Variants in ADAMTSL1 observed in about 807,000 individuals in gnomAD.
The protein encoded by ADAMTSL1 is ADAMTS like 1.
A neutral mutation model predicts 201.8 loss-of-function variants in ADAMTSL1; 126 were observed. That is an observed-to-expected ratio of 0.62 (90% CI 0.54 to 0.72). ADAMTSL1 has a LOEUF of 0.72. Among genes scored for constraint, ADAMTSL1 ranks in the 30% least tolerant of loss-of-function variants. The pLI is 0.00. For missense variants in ADAMTSL1, 2,679 were observed against 2,277.8 expected (o/e 1.18, Z -3.59); for synonymous variants, 1,121 against 903.4 (o/e 1.24, Z -4.32).
chr9:18,089,374 C>G (rs1823908013), intron 1 of ADAMTSL1, among the ~76,000 whole-genome samples: 1 of 148,472 alleles, frequency 6.7e-6, no homozygotes, highest in Non-Finnish European at 1.5e-5. Context: ...AACAGAAAAC[C>G]AAACACTGCA....
chr9:18,655,806 T>TAAAAAAAAAAAAAAAAAAAAAAAAAAAAA (rs56662538), intron 7 of ADAMTSL1, among the ~76,000 whole-genome samples: 9 of 81,848 alleles, frequency 1.1e-4, no homozygotes, highest in African/African-American at 2.0e-4. Flanking sequence ...TTTGTGAGCT[T>TAAAAAAAAAAAAAAAAAAAAAAAAAAAAA]AAAAAAAAAA....
intron 9 of ADAMTSL1, among the ~76,000 whole-genome samples, chr9:18,669,511 C>G (rs1177569767): frequency 6.6e-6 from 1 of 151,724 alleles, no homozygotes. Context: ...CGGTGGAAGC[C>G]CAGATAAATG....
At chr9:18,413,829 T>C (rs187854873) in intron 2 of ADAMTSL1, among the ~76,000 whole-genome samples, 8 of 152,340 alleles carry the variant, frequency 5.3e-5, no homozygotes, top group Admixed American at 2.6e-4. Flanking sequence ...ATTTGAGACA[T>C]GTTTATGGGA....
At chr9:18,885,325 C>A (rs1828783454) in intron 23 of ADAMTSL1, among the ~76,000 whole-genome samples, 1 of 152,182 alleles carries the variant, frequency 6.6e-6, no homozygotes. Context: ...ATGGCCTGAT[C>A]ACCTCTTACT....
At chr9:18,029,931 A>G (rs1022843778) in intron 1 of ADAMTSL1, among the ~76,000 whole-genome samples, 1 of 151,462 alleles carries the variant, frequency 6.6e-6, no homozygotes, top group Non-Finnish European at 1.5e-5. Context: ...AAATAGGAAC[A>G]CTTTTACACT....
intron 14 of ADAMTSL1, among the ~76,000 whole-genome samples, chr9:18,707,464 T>C (rs965576429): frequency 1.3e-5 from 2 of 152,242 alleles, no homozygotes; most frequent in African/African-American, 2.4e-5. Context: ...CTCAGCTGAT[T>C]TCCCAAAGTA....
At chr9:18,597,387 A>G (rs982558433) in intron 4 of ADAMTSL1, among the ~76,000 whole-genome samples, 1 of 152,208 alleles carries the variant, frequency 6.6e-6, no homozygotes, top group African/African-American at 2.4e-5. Context: ...ATCTTCAGTC[A>G]TATTTCTAAT....
chr9:18,262,556 T>C (rs906621238), intron 2 of ADAMTSL1, among the ~76,000 whole-genome samples: 1 of 152,150 alleles, frequency 6.6e-6, no homozygotes, highest in East Asian at 1.9e-4. Context: ...ATTTATATGA[T>C]GAAATATGGG....
At chr9:18,907,087 T>C in intron 28 of ADAMTSL1, 175 bp downstream of exon 28, 1 of 665,176 alleles carries the variant, frequency 1.5e-6, no homozygotes, top group South Asian at 1.9e-5. Context: ...CAGAGAGGTG[T>C]ATATAAGCAT....
At chr9:18,334,620 T>C (rs1835154990) in intron 2 of ADAMTSL1, among the ~76,000 whole-genome samples, 1 of 152,186 alleles carries the variant, frequency 6.6e-6, no homozygotes, top group African/African-American at 2.4e-5. Context: ...TCATCTTCTA[T>C]ATAAACCAAT....
intron 19 of ADAMTSL1, among the ~76,000 whole-genome samples, chr9:18,782,337 C>T (rs768667210): frequency 2.0e-5 from 3 of 152,192 alleles, no homozygotes; most frequent in Non-Finnish European, 4.4e-5. Flanking sequence ...ATAAATGAAA[C>T]TATGTTCCCT....
At chr9:18,821,030 G>A (rs918237355) in intron 21 of ADAMTSL1, among the ~76,000 whole-genome samples, 6 of 152,154 alleles carry the variant, frequency 3.9e-5, no homozygotes, top group Admixed American at 6.6e-5. Context: ...GGGTAGGCAG[G>A]GGCTAGATCT....
intron 21 of ADAMTSL1, among the ~76,000 whole-genome samples, chr9:18,821,659 C>T (rs1359343911): frequency 1.3e-5 from 2 of 152,100 alleles, no homozygotes; most frequent in African/African-American, 4.8e-5. Flanking sequence ...TCCAGACTGC[C>T]TTGGTTTTTT....
chr9:18,769,095 A>C (rs80198993), intron 16 of ADAMTSL1, among the ~76,000 whole-genome samples: 6 of 152,174 alleles, frequency 3.9e-5, no homozygotes, highest in Non-Finnish European at 7.3e-5. Context: ...GGTGCATGCA[A>C]GGTTGAGACC....
At chr9:18,175,596 T>C (rs1477199921) in intron 2 of ADAMTSL1, among the ~76,000 whole-genome samples, 2 of 152,180 alleles carry the variant, frequency 1.3e-5, no homozygotes, top group African/African-American at 2.4e-5. Flanking sequence ...ACTTTTTGTT[T>C]CATATCATAT....
chr9:18,588,884 C>CATATATATATATATATACATATACAT (rs1395379356), intron 4 of ADAMTSL1, among the ~76,000 whole-genome samples: 1 of 122,860 alleles, frequency 8.1e-6, no homozygotes, highest in Admixed American at 8.2e-5. Context: ...TATACATATA[C>CATATATATATATATATACATATACAT]ATATATATAT....
At chr9:18,373,010 G>A (rs967804003) in intron 2 of ADAMTSL1, among the ~76,000 whole-genome samples, 3 of 152,150 alleles carry the variant, frequency 2.0e-5, no homozygotes, top group African/African-American at 4.8e-5. Context: ...TGGTATCAGG[G>A]AAAGCCTGAA....
At position 18,303,622 on chromosome 9, in the gene ADAMTSL1, T is replaced by G. The variant is rs1405481130; in HGVS notation, c.207+139641T>G. ...TCAAGCTGAGGGAATGAGGGAGCTC[T>G]AAGGGAAAGAAGAGAATGACAAGAG... On this transcript the variant is annotated intron_variant, in intron 2 of 29. Transcript: ENST00000680146. Among the ~76,000 whole-genome samples, 2 of 152,126 alleles carry G rather than the reference T, an allele frequency of 1.3e-5. 1 individual carries two copies. Among genetic ancestry groups the G allele is most frequent in the East Asian group, 3.9e-4 (2 of 5,170 alleles).
intron 4 of ADAMTSL1, among the ~76,000 whole-genome samples, chr9:18,582,150 C>G (rs1228816996): frequency 6.6e-6 from 1 of 152,202 alleles, no homozygotes; most frequent in Non-Finnish European, 1.5e-5. Flanking sequence ...TGCCTAATTT[C>G]TTTAGCAAAT....
Sources: gnomAD v4.1 joint callset for allele counts (sites outside exome capture counted in the v4.1 genomes callset) on GRCh38, gnomAD v4.1.1 for gene constraint, MANE v1.5 for transcripts, NCBI Gene and HGNC (gene_info 2026-07-23, HGNC 2026-07-21) for gene names.